WNK1: variants seen among roughly 807,000 people sequenced by gnomAD.
WNK1 encodes serine/threonine-protein kinase WNK1.
WNK1 carries 38 observed loss-of-function variants against 222.8 expected under a neutral mutation model. The observed-to-expected ratio is 0.17, with a 90% confidence interval of 0.13 to 0.22. WNK1 has a LOEUF of 0.22. Among genes scored for constraint, WNK1 ranks in the 10% least tolerant of loss-of-function variants. The pLI is 1.00. For missense variants in WNK1, 2,348 were observed against 2,918.4 expected (o/e 0.80, Z 4.50); for synonymous variants, 1,090 against 1,092.9 (o/e 1.00, Z 0.05).
chr12:879,513 C>CTTTTTTTTTTTTTTTTTTTTTTTTTGTTT, intron 10 of WNK1, 60 bp from the exon 11 acceptor site: 1 of 403,026 alleles, frequency 2.5e-6, no homozygotes. Context: ...GGCAGCCTTG[C>CTTTTTTTTTTTTTTTTTTTTTTTTTGTTT]TTTTTTTTTT....
At chr12:892,258 C>T (rs938073303) in intron 22 of WNK1, among the ~76,000 whole-genome samples, 1 of 151,740 alleles carries the variant, frequency 6.6e-6, no homozygotes, top group Non-Finnish European at 1.5e-5. Context: ...CTATCTAGAG[C>T]AGGGTTCACA....
intron 1 of WNK1, among the ~76,000 whole-genome samples, chr12:768,499 C>G (rs1361925481): frequency 6.6e-6 from 1 of 152,028 alleles, no homozygotes; most frequent in Admixed American, 6.6e-5. Context: ...AAGTGGGGAG[C>G]ATAGAGATAT....
intron 1 of WNK1, among the ~76,000 whole-genome samples, chr12:803,933 A>G (rs1438823885): frequency 6.6e-6 from 1 of 152,180 alleles, no homozygotes; most frequent in Non-Finnish European, 1.5e-5. Context: ...TTAAATTATA[A>G]CAACAATATT....
At chr12:887,097 A>G in intron 19 of WNK1, 124 bp from the exon 20 acceptor site, 1 of 896,966 alleles carries the variant, frequency 1.1e-6, no homozygotes, top group Admixed American at 1.9e-5. Context: ...TCAGTGATAA[A>G]CATGTCTTAA....
chr12:871,411 T>C (rs1952135134), intron 9 of WNK1, 63 bp downstream of exon 9: 2 of 1,544,610 alleles, frequency 1.3e-6, no homozygotes, highest in South Asian at 1.1e-5. Flanking sequence ...TTTTAACTTT[T>C]GTGATTTGTT....
In WNK1 at chr12:885,344, TCTACTC is replaced by T. The variant is rs1187309095; in HGVS notation, c.4546_4551del (p.Pro1516_Thr1517del). On this transcript the variant is annotated inframe_deletion, in exon 19 of 28. Transcript: ENST00000315939. ...GTGCATTCAGCTTAGCAGCAGTACTTCTACTCCTACTTTAGCTGAAACCGTGGTAGT... is the reference window on the plus strand; with the variant it reads ...GTGCATTCAGCTTAGCAGCAGTACTTCTACTTTAGCTGAAACCGTGGTAGT... 5.0e-6 allele frequency: 8 copies of T among 1,614,056 alleles called. No individual in the cohort carries two copies. The highest frequency in any genetic ancestry group is 5.9e-6 in the Non-Finnish European group (7 of 1,179,988).
chr12:780,332 C>G (rs747341236), intron 1 of WNK1, among the ~76,000 whole-genome samples: 6 of 152,150 alleles, frequency 3.9e-5, no homozygotes, highest in Non-Finnish European at 8.8e-5. Flanking sequence ...ACACTGATCA[C>G]AAAAATATGG....
chr12:876,610 A>G (rs1952639178), intron 9 of WNK1, among the ~76,000 whole-genome samples: 1 of 152,220 alleles, frequency 6.6e-6, no homozygotes, highest in Non-Finnish European at 1.5e-5. Context: ...TGTACAAATA[A>G]ATAGCTTATC....
chr12:897,555 G>T lies in WNK1; in HGVS notation c.6322G>T (p.Val2108Leu). 1 of 1,613,910 alleles carries T rather than the reference G, an allele frequency of 6.2e-7. No homozygotes were observed. Among genetic ancestry groups the T allele is most frequent in the South Asian group, 1.1e-5 (1 of 91,086 alleles). ...IESLYTKLGK[V>L]PPAVIIPPAA... is the part of the protein sequence containing the mutation. ...ATCTTTGTATACCAAACTGGGCAAG[G>T]TGCCCCCTGCTGTTATTATTCCCCC... The change falls in exon 25 of 28, where the codon GTG (valine) becomes TTG (leucine). Residue 2108 changes from valine to leucine, a missense_variant. Val to Leu is a conservative substitution (Grantham distance 32). Coordinates refer to ENST00000315939, the MANE Select transcript of WNK1 (RefSeq NM_018979.4).
intron 1 of WNK1, among the ~76,000 whole-genome samples, chr12:772,435 G>C (rs1045069509): frequency 6.6e-6 from 1 of 151,976 alleles, no homozygotes; most frequent in Non-Finnish European, 1.5e-5. Context: ...ATGTATGTGT[G>C]TGTGTGTATG....
chr12:868,099 A>T (rs1951833831), intron 8 of WNK1: 3 of 1,614,030 alleles, frequency 1.9e-6, no homozygotes, highest in Non-Finnish European at 2.5e-6. Flanking sequence ...GTGGCAGCCC[A>T]ACTAACTGGA....
intron 9 of WNK1, 83 bp downstream of exon 9, chr12:871,431 G>A (rs781031382): frequency 7.0e-7 from 1 of 1,420,292 alleles, no homozygotes; most frequent in Non-Finnish European, 9.9e-7. Context: ...TATATAAATG[G>A]CCTGCTAAGT....
At chr12:781,478 A>G (rs1007805232) in intron 1 of WNK1, among the ~76,000 whole-genome samples, 37 of 152,228 alleles carry the variant, frequency 2.4e-4, no homozygotes, top group African/African-American at 8.4e-4. Flanking sequence ...CTCTGAACAC[A>G]GTGTTTCTTC....
chr12:820,071 G>A (rs1445478673), intron 2 of WNK1, among the ~76,000 whole-genome samples: 1 of 152,114 alleles, frequency 6.6e-6, no homozygotes, highest in Non-Finnish European at 1.5e-5. Context: ...ATGTGAATTT[G>A]AGGATTAGAT....
chr12:753,651 C>G lies in WNK1; in HGVS notation c.86C>G (p.Ser29Cys). The G allele has an allele frequency of 1.2e-6, 2 of 1,612,678 alleles. No individual in the cohort carries two copies. Among genetic ancestry groups the G allele is most frequent in the Non-Finnish European group, 1.7e-6 (2 of 1,179,916 alleles). Residue 29 changes from serine to cysteine, a missense_variant, in exon 1 of 28, where the codon TCC (serine) becomes TGC (cysteine). Coordinates refer to ENST00000315939, the MANE Select transcript of WNK1 (RefSeq NM_018979.4). The surrounding 1 kb of genome is among the most constrained non-coding windows in gnomAD (Gnocchi z 5.2). ...CCGGCTCCTGCCCCCAAGAATGGCT[C>G]CAGCTCCGATTCCTCCGTGGGGGAG... ...SPPAPAPKNG[S>C]SSDSSVGEKL...
chr12:767,233 G>GGTTT, intron 1 of WNK1, among the ~76,000 whole-genome samples: 2 of 108,484 alleles, frequency 1.8e-5, no homozygotes, highest in African/African-American at 3.9e-5. Flanking sequence ...TGGGTTGATA[G>GGTTT]GTTTTTTTTT....
chr12:864,981 ACTG>A, intron 8 of WNK1: 4 of 1,276,834 alleles, frequency 3.1e-6, no homozygotes, highest in Non-Finnish European at 4.1e-6. Flanking sequence ...CAAAAAAAAA[ACTG>A]ACTTTGTGGA....
At chr12:836,830 G>A (rs187245475) in intron 4 of WNK1, among the ~76,000 whole-genome samples, 1 of 152,290 alleles carries the variant, frequency 6.6e-6, no homozygotes, top group Admixed American at 6.5e-5. Context: ...TTAAATATTA[G>A]AAGACCTTTG....
intron 1 of WNK1, among the ~76,000 whole-genome samples, chr12:785,267 A>T (rs1210240042): frequency 1.3e-5 from 2 of 152,022 alleles, no homozygotes; most frequent in Admixed American, 1.3e-4. Context: ...CTCACTGGCC[A>T]TCAATTCTGA....
Sources: allele counts gnomAD v4.1 joint callset (sites outside exome capture counted in the v4.1 genomes callset), GRCh38; gene constraint gnomAD v4.1.1; non-coding constraint Gnocchi (gnomAD v3.1); transcripts MANE v1.5; gene names NCBI Gene and HGNC (gene_info 2026-07-23, HGNC 2026-07-21).